BTNL9: variants seen among roughly 807,000 people sequenced by gnomAD.
BTNL9 encodes butyrophilin-like protein 9.
In BTNL9, 45 loss-of-function variants were observed where a neutral mutation model predicts 45.8. The observed-to-expected ratio is 0.98, with a 90% CI of 0.77 to 1.26. The LOEUF (loss-of-function observed/expected upper bound fraction) is 1.26, where lower values mean the gene tolerates loss of function less well. BTNL9 is among the 50% of genes most tolerant of loss of function. The pLI is 0.00. For missense variants in BTNL9, 784 were observed against 729.7 expected, an observed-to-expected ratio of 1.07 and a Z score of -0.86; for synonymous variants, 346 against 330.8, an observed-to-expected ratio of 1.05 and a Z score of -0.50.
At chr5:181,041,730 T>A (rs1760783729) in intron 1 of BTNL9, among the ~76,000 whole-genome samples, 1 of 152,248 alleles carries the variant, frequency 6.6e-6, no homozygotes, top group African/African-American at 2.4e-5. Flanking sequence ...TTTCCTGTAA[T>A]AAGAATGATT....
At position 181,056,037 on chromosome 5, in the gene BTNL9, C is replaced by T. The variant is rs764601318; in HGVS notation, c.955+22C>T. The T allele has an allele frequency of 3.7e-6, 6 of 1,613,712 alleles. No individual in the cohort carries two copies. In the South Asian group the frequency reaches 6.6e-5, roughly 18 times the overall value. On this transcript the variant is annotated intron_variant, in intron 9 of 10. Coordinates refer to ENST00000327705, the MANE Select transcript of BTNL9 (RefSeq NM_152547.5). ...GCTGGTGAGTGGAACCCATCTCTCT[C>T]TGACTCCTCCTCATTTATATCTGAG...
Position 181,059,462 on chromosome 5 carries a change from CCGCGGTGCCGCG to C in BTNL9, c.1214_1225del (p.Val405_Ala408del), listed in dbSNP as rs1290181442. ...CGCTGGTTCCTGGGCGCCTGCCTGG[CCGCGGTGCCGCG>C]CGCGGGGCCTGCGCGCCTGAGCCCT... is the stretch of plus-strand genomic sequence containing the variant. On this transcript the variant is annotated inframe_deletion, in exon 11 of 11. Transcript: ENST00000327705. 30 of 1,443,922 alleles carry C rather than the reference CCGCGGTGCCGCG, an allele frequency of 2.1e-5. No individual in the cohort carries two copies. The highest frequency in any genetic ancestry group is 1.9e-4 in the Admixed American group (6 of 32,358). 89.4% of individuals were successfully genotyped at this position (1,443,922 alleles called of 1,614,324 possible).
rs753483046 is a variant in BTNL9, at chr5:181,050,275, T to G, written c.642T>G (p.Ser214=). The G allele has an allele frequency of 6.2e-7, 1 of 1,614,130 alleles. No individual in the cohort carries two copies. The highest frequency in any genetic ancestry group is 8.5e-7 in the Non-Finnish European group (1 of 1,180,028). ...DAQDLFSLET[S]VVVRAGALSN... ...AGGACCTGTTCAGTCTGGAAACATC[T>G]GTGGTTGTCCGAGCGGGAGCCCTCA... Residue 214 remains serine (S), a synonymous_variant, in exon 4 of 11, where the codon TCT becomes TCG. Transcript: ENST00000327705. This position sits in a 1 kb window ranked among gnomAD's most constrained non-coding sequence, Gnocchi z 4.9.
chr5:181,053,970 T>C lies in BTNL9; in HGVS notation c.887-269T>C. On this transcript the variant is annotated intron_variant, in intron 6 of 10. Coordinates refer to ENST00000327705, the MANE Select transcript of BTNL9 (RefSeq NM_152547.5). This position sits in a 1 kb window ranked among gnomAD's most constrained non-coding sequence, Gnocchi z 6.5. ...TTAACGTTTCCGCCGAGCTAATAGA[T>C]TTGGGAGGCTCCGACCCTGATTTTC... 8 of 1,526,780 alleles carry C rather than the reference T, an allele frequency of 5.2e-6. No individual in the cohort carries two copies. The highest frequency in any genetic ancestry group is 7.0e-6 in the Non-Finnish European group (8 of 1,141,158). 94.6% of individuals were successfully genotyped at this position (1,526,780 alleles called of 1,614,324 possible). A position where few individuals can be genotyped will look rare whatever the true frequency, so the allele number is the denominator to read the frequency against.
chr5:181,048,676 C>G (rs1761326164), intron 3 of BTNL9, among the ~76,000 whole-genome samples: 1 of 149,156 alleles, frequency 6.7e-6, no homozygotes, highest in Non-Finnish European at 1.5e-5. Flanking sequence ...CTTGACTTGC[C>G]ACTGCACTCC....
At chr5:181,048,338 G>A (rs1761301546) in intron 3 of BTNL9, 67 bp downstream of exon 3, 3 of 1,368,084 alleles carry the variant, frequency 2.2e-6, no homozygotes, top group Non-Finnish European at 2.0e-6. Context: ...AGTAGAGGTG[G>A]AGTCACAGAG....
intron 1 of BTNL9, among the ~76,000 whole-genome samples, chr5:181,040,747 T>C (rs988421203): frequency 2.6e-5 from 4 of 152,192 alleles, no homozygotes; most frequent in Admixed American, 1.3e-4. Context: ...GGAAATCCTC[T>C]TGTGGACCTA....
rs1218687987 is a variant in BTNL9 at position 181,059,393 on chromosome 5, C to T, written c.1139C>T (p.Ser380Phe). Reference protein sequence around the residue: ...QTCALSLERFSAGRHYWEVHV... With the variant: ...QTCALSLERFFAGRHYWEVHV... ...TGCGCGCTGAGCCTGGAGCGGTTCT[C>T]CGCCGGCCGCCACTACTGGGAGGTG... The change falls in exon 11 of 11, where the codon TCC becomes TTC. Residue 380 changes from serine (S) to phenylalanine (F), a missense_variant. Physicochemically the swap from Ser to Phe is radical, Grantham distance 155. Transcript: ENST00000327705. 2 of 1,524,706 alleles carry T rather than the reference C, an allele frequency of 1.3e-6. No individual in the cohort carries two copies. The highest frequency in any genetic ancestry group is 1.8e-6 in the Non-Finnish European group (2 of 1,139,070). 94.4% of individuals were successfully genotyped at this position (1,524,706 alleles called of 1,614,324 possible).
chr5:181,047,515 G>C (rs567637043), intron 2 of BTNL9: 2 of 992,022 alleles, frequency 2.0e-6, no homozygotes, highest in Admixed American at 5.6e-5. Context: ...TCTCCTTTCA[G>C]GTATTTTTCT....
chr5:181,048,793 GTTATATATTATATAATTATATTA>G, intron 3 of BTNL9, among the ~76,000 whole-genome samples: 1 of 2,110 alleles, frequency 4.7e-4, no homozygotes, highest in Admixed American at 6.0e-3. Flanking sequence ...TAATTATATA[GTTATATATTATATAATTATATTA>G]GTTATATAAT....
At chr5:181,047,550 G>GT (rs1561977012) in intron 2 of BTNL9, 2 of 965,860 alleles carry the variant, frequency 2.1e-6, no homozygotes, top group Non-Finnish European at 2.5e-6. Context: ...AAATACGTAT[G>GT]TTTTTTACTT....
At chr5:181,047,790 G>A (rs1582124911) in intron 2 of BTNL9, 137 bp from the exon 3 acceptor site, 1 of 830,642 alleles carries the variant, frequency 1.2e-6, no homozygotes, top group East Asian at 2.7e-5. Context: ...CAAGGATCTA[G>A]GCCAGTTGTC....
At chr5:181,054,630 C>T (rs1187856494) in intron 7 of BTNL9, 2 of 985,274 alleles carry the variant, frequency 2.0e-6, no homozygotes, top group Non-Finnish European at 2.4e-6. Context: ...TTCTCAGATC[C>T]ACTTTTCTCC....
In BTNL9 at chr5:181,060,576, T is replaced by C. The variant is rs1186143954; in HGVS notation, c.*714T>C. The C allele has an allele frequency of 6.6e-6, 1 of 152,230 alleles. No homozygotes were observed. Among genetic ancestry groups the C allele is most frequent in the African/African-American group, 2.4e-5 (1 of 41,468 alleles). 9.4% of individuals were successfully genotyped at this position (152,230 alleles called of 1,614,324 possible). A position where few individuals can be genotyped will look rare whatever the true frequency, so the allele number is the denominator to read the frequency against. ...AATAAAAACATAATCCATGAGTTCA[T>C]GCTGATACTCAAATTTCTTTTTAAA... On this transcript the variant is annotated 3_prime_UTR_variant, in exon 11 of 11. Coordinates refer to ENST00000327705, the MANE Select transcript of BTNL9 (RefSeq NM_152547.5).
intron 2 of BTNL9, among the ~76,000 whole-genome samples, chr5:181,045,838 T>C (rs1366950094): frequency 1.4e-4 from 13 of 93,344 alleles, no homozygotes; most frequent in African/African-American, 1.5e-4. Context: ...CCTCAACACC[T>C]CCTCCACCAT....
In BTNL9 at chr5:181,053,725, G is replaced by T. The variant is rs1043758704; in HGVS notation, c.886+224G>T. The T allele has an allele frequency of 3.3e-6, 5 of 1,514,536 alleles. No homozygotes were observed. The Admixed American group carries it at 1.0e-4, about 31-fold the overall frequency. The allele number at this position is 1,514,536 out of a possible 1,614,324, so 93.8% of individuals were successfully genotyped here. On this transcript the variant is annotated intron_variant, in intron 6 of 10. Transcript: ENST00000327705. This position sits in a 1 kb window ranked among gnomAD's most constrained non-coding sequence, Gnocchi z 6.5. ...CATTTTCCACGGAGGCTAGTGCACAGATGTCAGGGTTGACCGGCTGCTGTC... is the reference window on the plus strand; with the variant it reads ...CATTTTCCACGGAGGCTAGTGCACATATGTCAGGGTTGACCGGCTGCTGTC...
At chr5:181,054,754 G>T in intron 7 of BTNL9, 1 of 985,302 alleles carries the variant, frequency 1.0e-6, no homozygotes, top group Non-Finnish European at 1.2e-6. Context: ...TGGGGTTGGG[G>T]GGGCAATTCA....
chr5:181,047,749 A>C (rs1388699780), intron 2 of BTNL9, among the ~76,000 whole-genome samples, 178 bp from the exon 3 acceptor site: 5 of 152,200 alleles, frequency 3.3e-5, no homozygotes, highest in African/African-American at 4.8e-5. Flanking sequence ...TTAATCGTGC[A>C]CTCAACGTTT....
In BTNL9 at chr5:181,050,506, T is replaced by C; in HGVS notation, c.736+137T>C. 3 of 1,067,108 alleles carry C rather than the reference T, an allele frequency of 2.8e-6. No homozygotes were observed. The South Asian group carries it at 4.7e-5, about 17-fold the overall frequency. The allele number at this position is 1,067,108 out of a possible 1,614,324, so 66.1% of individuals were successfully genotyped here. A position where few individuals can be genotyped will look rare whatever the true frequency, so the allele number is the denominator to read the frequency against. On this transcript the variant is annotated intron_variant, in intron 4 of 10. Coordinates refer to ENST00000327705, the MANE Select transcript of BTNL9 (RefSeq NM_152547.5). The surrounding 1 kb of genome is among the most constrained non-coding windows in gnomAD (Gnocchi z 4.9). The stretch of plus-strand genomic sequence containing the variant: ...TGTGTTGGCCTTGACACCTGAAAAG[T>C]CAGCACCTTGGATATTAGGAACACA...
Sources: allele counts gnomAD v4.1 joint callset (sites outside exome capture counted in the v4.1 genomes callset), GRCh38; gene constraint gnomAD v4.1.1; non-coding constraint Gnocchi (gnomAD v3.1); transcripts MANE v1.5; gene names NCBI Gene and HGNC (gene_info 2026-07-23, HGNC 2026-07-21).